UVRAG: variants seen among roughly 807,000 people sequenced by gnomAD.
UVRAG encodes UV radiation resistance associated.
In UVRAG, 19 loss-of-function variants were observed where a neutral mutation model predicts 78.0. That is an observed-to-expected ratio of 0.24 (90% CI 0.17 to 0.36). The LOEUF is 0.36. Ranked by LOEUF, UVRAG falls within the 10% of genes least tolerant of loss-of-function variation. The pLI is 1.00. For synonymous variants in UVRAG, 323 were observed against 324.6 expected (o/e 1.00, Z 0.05); for missense variants, 740 against 853.8 (o/e 0.87, Z 1.66).
chr11:76,095,570 T>G (rs977553068), intron 13 of UVRAG, among the ~76,000 whole-genome samples: 51 of 150,550 alleles, frequency 3.4e-4, no homozygotes, highest in African/African-American at 1.2e-3. Flanking sequence ...TAAATATATA[T>G]TTTTTAATCC....
intron 4 of UVRAG, among the ~76,000 whole-genome samples, chr11:75,885,645 T>C (rs1947058189): frequency 6.6e-6 from 1 of 152,296 alleles, no homozygotes; most frequent in South Asian, 2.1e-4. Context: ...GGTTAAGTTC[T>C]AAGTTCTATA....
chr11:75,874,183 T>C (rs1946712478), intron 3 of UVRAG, among the ~76,000 whole-genome samples: 1 of 152,174 alleles, frequency 6.6e-6, no homozygotes, highest in South Asian at 2.1e-4. Flanking sequence ...TGCCTCTGGC[T>C]GTGAGATATA....
At chr11:76,049,928 G>T (rs1950829743) in intron 12 of UVRAG, among the ~76,000 whole-genome samples, 1 of 152,230 alleles carries the variant, frequency 6.6e-6, no homozygotes, top group African/African-American at 2.4e-5. Context: ...GGTGGCTGTT[G>T]TGGAGTGTTA....
At chr11:75,999,235 A>T (rs1269500015) in intron 8 of UVRAG, among the ~76,000 whole-genome samples, 2 of 9,060 alleles carry the variant, frequency 2.2e-4, no homozygotes, top group African/African-American at 2.7e-3. Context: ...TCTGCCTCAG[A>T]GAAAAAAAAA....
chr11:76,012,197 TAAGA>T, intron 11 of UVRAG, among the ~76,000 whole-genome samples: 1 of 150,680 alleles, frequency 6.6e-6, no homozygotes, highest in Non-Finnish European at 1.5e-5. Context: ...AAATAGAAAA[TAAGA>T]AAGGGAAATA....
chr11:75,886,845 CAGA>C (rs1947088426), intron 4 of UVRAG, among the ~76,000 whole-genome samples: 2 of 146,552 alleles, frequency 1.4e-5, no homozygotes, highest in African/African-American at 5.5e-5. Context: ...ACCTTCACGG[CAGA>C]AGAATTTTTT....
intron 8 of UVRAG, among the ~76,000 whole-genome samples, chr11:75,995,259 T>C (rs1167281355): frequency 6.6e-6 from 1 of 151,966 alleles, no homozygotes; most frequent in Non-Finnish European, 1.5e-5. Flanking sequence ...TTGGTGGGAA[T>C]GACCTATTAG....
chr11:75,866,153 C>T (rs921253407), intron 3 of UVRAG, among the ~76,000 whole-genome samples: 26 of 151,716 alleles, frequency 1.7e-4, no homozygotes, highest in Non-Finnish European at 2.6e-4. Flanking sequence ...GTCTCAGAGG[C>T]GGAGGTTTCA....
At chr11:75,929,422 G>A (rs1283512175) in intron 6 of UVRAG, among the ~76,000 whole-genome samples, 2 of 152,126 alleles carry the variant, frequency 1.3e-5, no homozygotes, top group African/African-American at 2.4e-5. Context: ...AAATCAGAGA[G>A]TTGTTTTATG....
intron 7 of UVRAG, among the ~76,000 whole-genome samples, chr11:75,978,090 C>T (rs1439767721): frequency 1.3e-5 from 2 of 152,124 alleles, no homozygotes; most frequent in Non-Finnish European, 2.9e-5. Context: ...TCAGCATTTG[C>T]TTGTCTGTAA....
chr11:75,834,070 A>T (rs1945722537), intron 1 of UVRAG, among the ~76,000 whole-genome samples: 1 of 152,184 alleles, frequency 6.6e-6, no homozygotes, highest in South Asian at 2.1e-4. Flanking sequence ...TAACATCGAT[A>T]CTTTAATCTA....
chr11:75,943,110 T>C (rs529196597), intron 6 of UVRAG, among the ~76,000 whole-genome samples: 1 of 152,162 alleles, frequency 6.6e-6, no homozygotes, highest in African/African-American at 2.4e-5. Context: ...TGGCAATTAA[T>C]TTCAACATGA....
At chr11:75,980,609 T>C (rs1405407212) in intron 7 of UVRAG, among the ~76,000 whole-genome samples, 1 of 152,154 alleles carries the variant, frequency 6.6e-6, no homozygotes, top group Non-Finnish European at 1.5e-5. Flanking sequence ...GTGAGATCAA[T>C]TGTGATAACC....
chr11:75,907,264 A>G (rs1355474483), intron 5 of UVRAG, among the ~76,000 whole-genome samples: 3 of 152,168 alleles, frequency 2.0e-5, no homozygotes, highest in Non-Finnish European at 4.4e-5. Flanking sequence ...TGGTGAAAGC[A>G]ATCACCTTGT....
intron 6 of UVRAG, among the ~76,000 whole-genome samples, chr11:75,912,376 G>A (rs77501158): frequency 0.045 from 6,910 of 152,210 alleles, 223 homozygotes; most frequent in Non-Finnish European, 0.068. Flanking sequence ...TAACAACTGC[G>A]GCATCACTCG....
At chr11:75,903,689 A>G (rs1352681476) in intron 5 of UVRAG, among the ~76,000 whole-genome samples, 1 of 152,192 alleles carries the variant, frequency 6.6e-6, no homozygotes, top group Non-Finnish European at 1.5e-5. Flanking sequence ...GCTTTTTAAA[A>G]AGCCTTTCTT....
At chr11:75,831,344 C>T (rs567830596) in intron 1 of UVRAG, among the ~76,000 whole-genome samples, 59 of 152,042 alleles carry the variant, frequency 3.9e-4, no homozygotes, top group Admixed American at 7.2e-4. Flanking sequence ...AAAAATTAGC[C>T]GGGTGTGGTG....
chr11:76,011,049 G>A (rs1209930388), intron 11 of UVRAG, among the ~76,000 whole-genome samples: 1 of 152,152 alleles, frequency 6.6e-6, no homozygotes, highest in Admixed American at 6.5e-5. Context: ...ATTACTCTGA[G>A]ATGTGTCTTG....
intron 13 of UVRAG, among the ~76,000 whole-genome samples, chr11:76,112,448 A>G (rs1341734144): frequency 6.6e-6 from 1 of 152,222 alleles, no homozygotes; most frequent in African/African-American, 2.4e-5. Context: ...ATTATAGGAT[A>G]CACTCCACCA....
Sources: allele counts gnomAD v4.1 joint callset (sites outside exome capture counted in the v4.1 genomes callset), GRCh38; gene constraint gnomAD v4.1.1; transcripts MANE v1.5; gene names NCBI Gene and HGNC (gene_info 2026-07-23, HGNC 2026-07-21).